Variants in ALCAM observed in about 807,000 individuals in gnomAD.
The protein encoded by ALCAM is activated leukocyte cell adhesion molecule.
Under a neutral mutation model 70.9 loss-of-function variants are expected in ALCAM, and 30 were observed. The ratio of observed to expected loss-of-function variants is 0.42; its 90% CI spans 0.32 to 0.57. The LOEUF (loss-of-function observed/expected upper bound fraction) is 0.57, where lower values mean the gene tolerates loss of function less well. ALCAM is among the 20% of genes least tolerant of loss of function. ALCAM has a pLI of 0.11. For synonymous variants in ALCAM, 249 were observed against 242.5 expected, an observed-to-expected ratio of 1.03 and a Z score of -0.25; for missense variants, 591 against 695.1, an observed-to-expected ratio of 0.85 and a Z score of 1.68.
intron 1 of ALCAM, among the ~76,000 whole-genome samples, chr3:105,484,580 A>C (rs1213880919): frequency 6.6e-6 from 1 of 152,068 alleles, no homozygotes; most frequent in African/African-American, 2.4e-5. Flanking sequence ...CCAAAACTCA[A>C]GCTTTCTGAG....
At chr3:105,459,903 A>T (rs1195156561) in intron 1 of ALCAM, among the ~76,000 whole-genome samples, 1 of 152,114 alleles carries the variant, frequency 6.6e-6, no homozygotes, top group Non-Finnish European at 1.5e-5. Flanking sequence ...GAGATGGGAC[A>T]GCAGGCTGTG....
At chr3:105,414,816 C>T (rs890438478) in intron 1 of ALCAM, among the ~76,000 whole-genome samples, 2 of 151,964 alleles carry the variant, frequency 1.3e-5, no homozygotes, top group Non-Finnish European at 1.5e-5. Flanking sequence ...ATTGGGAATA[C>T]ATCAAAGGCT....
chr3:105,458,756 T>G (rs2152596106), intron 1 of ALCAM, among the ~76,000 whole-genome samples: 1 of 152,294 alleles, frequency 6.6e-6, no homozygotes, highest in Non-Finnish European at 1.5e-5. Flanking sequence ...CACATCCAGT[T>G]ACTCAACAAG....
chr3:105,375,217 G>A (rs1935345327), intron 1 of ALCAM, among the ~76,000 whole-genome samples: 1 of 152,094 alleles, frequency 6.6e-6, no homozygotes, highest in Non-Finnish European at 1.5e-5. Flanking sequence ...ATTCATCTTG[G>A]TATACCTAAG....
intron 1 of ALCAM, among the ~76,000 whole-genome samples, chr3:105,492,620 A>C (rs982417438): frequency 1.3e-5 from 2 of 152,230 alleles, no homozygotes; most frequent in African/African-American, 2.4e-5. Flanking sequence ...AACATATGTC[A>C]AATAATTTTG....
At chr3:105,389,371 G>GTTTTTTTTTT (rs371987714) in intron 1 of ALCAM, among the ~76,000 whole-genome samples, 1 of 58,188 alleles carries the variant, frequency 1.7e-5, no homozygotes. Context: ...TATATACATA[G>GTTTTTTTTTT]TTTTTTTTTT....
chr3:105,442,158 T>C (rs1226621381), intron 1 of ALCAM, among the ~76,000 whole-genome samples: 2 of 152,126 alleles, frequency 1.3e-5, no homozygotes, highest in African/African-American at 4.8e-5. Flanking sequence ...TATTATTAAG[T>C]GGAGATTATT....
At chr3:105,378,856 C>T (rs911981910) in intron 1 of ALCAM, among the ~76,000 whole-genome samples, 1 of 151,896 alleles carries the variant, frequency 6.6e-6, no homozygotes, top group Non-Finnish European at 1.5e-5. Context: ...TTTCTAGAAT[C>T]CATCCAAAGT....
At chr3:105,508,030 T>C (rs995737152) in intron 1 of ALCAM, among the ~76,000 whole-genome samples, 1 of 152,174 alleles carries the variant, frequency 6.6e-6, no homozygotes, top group African/African-American at 2.4e-5. Context: ...TGAATATTCA[T>C]GATTTTCTAT....
At chr3:105,425,660 A>T (rs1331191949) in intron 1 of ALCAM, among the ~76,000 whole-genome samples, 7 of 151,880 alleles carry the variant, frequency 4.6e-5, no homozygotes, top group African/African-American at 1.7e-4. Flanking sequence ...TACCATGCAG[A>T]ACCTTATAAC....
intron 1 of ALCAM, among the ~76,000 whole-genome samples, chr3:105,468,226 C>T (rs1314223624): frequency 2.0e-5 from 3 of 151,316 alleles, no homozygotes; most frequent in Non-Finnish European, 4.4e-5. Flanking sequence ...TTCTCTGGCA[C>T]TACTACGAAC....
chr3:105,531,836 G>A (rs1939846119), intron 3 of ALCAM, among the ~76,000 whole-genome samples, 166 bp from the exon 4 acceptor site: 1 of 152,052 alleles, frequency 6.6e-6, no homozygotes, highest in African/African-American at 2.4e-5. Context: ...ATTTGAAGGG[G>A]TAGACCTATA....
At chr3:105,535,909 G>A (rs900856995) in intron 6 of ALCAM, among the ~76,000 whole-genome samples, 34 of 151,956 alleles carry the variant, frequency 2.2e-4, no homozygotes, top group African/African-American at 8.2e-4. Context: ...GTTCCCTAGG[G>A]CACAATATCT....
intron 1 of ALCAM, among the ~76,000 whole-genome samples, chr3:105,375,702 A>T (rs1935356630): frequency 6.6e-6 from 1 of 151,870 alleles, no homozygotes; most frequent in South Asian, 2.1e-4. Flanking sequence ...AAATTGTACA[A>T]CTCCCATTCT....
chr3:105,394,722 G>A (rs767889841), intron 1 of ALCAM, among the ~76,000 whole-genome samples: 6 of 151,832 alleles, frequency 4.0e-5, no homozygotes, highest in Non-Finnish European at 8.8e-5. Context: ...GCAATCTATA[G>A]ATTTATTGAC....
At chr3:105,385,195 G>A (rs1314958708) in intron 1 of ALCAM, among the ~76,000 whole-genome samples, 2 of 151,432 alleles carry the variant, frequency 1.3e-5, no homozygotes, top group African/African-American at 4.8e-5. Flanking sequence ...TAGAATCTAG[G>A]GTTAATGTGG....
At chr3:105,471,835 G>T (rs1037136926) in intron 1 of ALCAM, among the ~76,000 whole-genome samples, 1 of 150,982 alleles carries the variant, frequency 6.6e-6, no homozygotes, top group Non-Finnish European at 1.5e-5. Context: ...CATTTTTCAA[G>T]AATACAGTAT....
At chr3:105,556,214 A>G (rs551225434) in intron 14 of ALCAM, among the ~76,000 whole-genome samples, 1 of 152,184 alleles carries the variant, frequency 6.6e-6, no homozygotes, top group African/African-American at 2.4e-5. Flanking sequence ...CTGAAGTTAA[A>G]GGAAAAATGT....
At chr3:105,543,028 G>GT (rs967611914) in intron 8 of ALCAM, among the ~76,000 whole-genome samples, 14 of 151,788 alleles carry the variant, frequency 9.2e-5, no homozygotes, top group African/African-American at 3.4e-4. Flanking sequence ...AGAACCATAT[G>GT]TGGAATAGCT....
Sources: allele counts gnomAD v4.1 joint callset (sites outside exome capture counted in the v4.1 genomes callset), GRCh38; gene constraint gnomAD v4.1.1; transcripts MANE v1.5; gene names NCBI Gene and HGNC (gene_info 2026-07-23, HGNC 2026-07-21).